The following KCNG1 variants were observed in gnomAD, a reference collection of about 807,000 sequenced individuals.
KCNG1 encodes the protein voltage-gated potassium channel regulatory subunit KCNG1.
A neutral mutation model predicts 32.4 loss-of-function variants in KCNG1; 17 were observed. The ratio of observed to expected loss-of-function variants is 0.52; its 90% CI spans 0.36 to 0.79. The LOEUF is 0.79. KCNG1 is among the 30% of genes least tolerant of loss of function. The probability of loss-of-function intolerance (pLI) is 0.00; values close to 1 mark genes in which losing one functional copy is unlikely to be tolerated. For missense variants in KCNG1, 441 were observed against 735.2 expected (o/e 0.60, Z 4.63); for synonymous variants, 358 against 339.9 (o/e 1.05, Z -0.59).
Position 51,010,251 on chromosome 20 carries a change from G to T in KCNG1, c.88C>A (p.Pro30Thr), listed in dbSNP as rs1304598504. ...GCGCCCTTGATGGCCTGGCGCTGCG[G>T]GAGGAAGGCCGGGTGGAAGGAGGCG... ...SDASFHPAFL[P>T]QRQAIKGAFY... is the part of the protein sequence containing the mutation. Residue 30 changes from proline (P) to threonine (T), a missense_variant, in exon 2 of 3, where the codon CCG becomes ACG. Pro to Thr is a conservative substitution (Grantham distance 38). Around this residue, in one of 6 missense-constraint regions of KCNG1, gnomAD observed 85 missense variants for 98.2 expected, o/e 0.87. Coordinates refer to ENST00000371571, the MANE Select transcript of KCNG1 (RefSeq NM_002237.4). 1.3e-6 allele frequency: 2 copies of T among 1,537,504 alleles called. No homozygotes were observed. The highest frequency in any genetic ancestry group is 4.5e-5 in the East Asian group (2 of 44,384).
At chr20:51,016,328 T>C (rs889291877) in intron 1 of KCNG1, among the ~76,000 whole-genome samples, 7 of 151,966 alleles carry the variant, frequency 4.6e-5, no homozygotes, top group Non-Finnish European at 5.9e-5. Flanking sequence ...TCCCAGCTAC[T>C]GGGAAGATTG....
Position 51,009,944 on chromosome 20 carries a change from C to A in KCNG1, c.395G>T (p.Arg132Leu), listed in dbSNP as rs1161962587. The change falls in exon 2 of 3, where the codon CGC becomes CTC. Residue 132 changes from arginine to leucine, a missense_variant. Transcript: ENST00000371571. ...GAFGTILTFL[R>L]AGKLRLLREM... ...GCGCAGCAGCCGCAGCTTGCCCGCG[C>A]GCAGGAAGGTCAGGATAGTGCCGAA... 2 of 1,613,854 alleles carry A rather than the reference C, an allele frequency of 1.2e-6. No individual in the cohort carries two copies. The highest frequency in any genetic ancestry group is 2.2e-5 in the South Asian group (2 of 91,088).
chr20:51,022,392 G>T (rs1162120204), intron 1 of KCNG1, among the ~76,000 whole-genome samples: 1 of 152,126 alleles, frequency 6.6e-6, no homozygotes, highest in Non-Finnish European at 1.5e-5. Context: ...CTCAATAAAC[G>T]CTTGCTGTGT....
intron 1 of KCNG1, among the ~76,000 whole-genome samples, chr20:51,021,262 G>T (rs578200300): frequency 2.1e-4 from 32 of 152,326 alleles, no homozygotes; most frequent in African/African-American, 5.5e-4. Flanking sequence ...ATCCCCAGGG[G>T]CCAGCGCTTG....
At chr20:51,021,378 G>T (rs1988475983) in intron 1 of KCNG1, among the ~76,000 whole-genome samples, 1 of 152,178 alleles carries the variant, frequency 6.6e-6, no homozygotes, top group Admixed American at 6.5e-5. Flanking sequence ...GGCAGAGCCT[G>T]AAAAATCCCC....
At chr20:51,007,758 C>G (rs1477579428) in intron 2 of KCNG1, among the ~76,000 whole-genome samples, 1 of 152,034 alleles carries the variant, frequency 6.6e-6, no homozygotes, top group Non-Finnish European at 1.5e-5. Flanking sequence ...ACAGTGTAAT[C>G]TTAGCACTTT....
At chr20:51,008,790 T>TA (rs1276554559) in intron 2 of KCNG1, among the ~76,000 whole-genome samples, 2 of 152,192 alleles carry the variant, frequency 1.3e-5, no homozygotes, top group Non-Finnish European at 2.9e-5. Context: ...AGCTGCCACG[T>TA]GGACACCATA....
At chr20:51,014,116 A>T (rs929690132) in intron 1 of KCNG1, 5 of 152,194 alleles carry the variant, frequency 3.3e-5, no homozygotes, top group South Asian at 2.1e-4. Flanking sequence ...CAGGGTGAGT[A>T]TGGAGAGGCT....
At chr20:51,021,327 G>C (rs1988473591) in intron 1 of KCNG1, among the ~76,000 whole-genome samples, 2 of 152,170 alleles carry the variant, frequency 1.3e-5, no homozygotes, top group African/African-American at 4.8e-5. Context: ...GACTCTGCAG[G>C]GCTCCAAAAG....
intron 1 of KCNG1, among the ~76,000 whole-genome samples, chr20:51,020,266 T>C (rs149319634): frequency 0.023 from 3,501 of 152,222 alleles, 61 homozygotes; most frequent in South Asian, 0.031. Context: ...TCTCTTTGCC[T>C]CCTTGTAGCT....
chr20:51,013,249 C>G (rs1988159073), intron 1 of KCNG1, among the ~76,000 whole-genome samples: 1 of 152,094 alleles, frequency 6.6e-6, no homozygotes, highest in Non-Finnish European at 1.5e-5. Flanking sequence ...TTGCAGTGAG[C>G]TGAGATGGTG....
At chr20:51,008,058 T>C (rs1285294395) in intron 2 of KCNG1, 1 of 152,204 alleles carries the variant, frequency 6.6e-6, no homozygotes, top group Non-Finnish European at 1.5e-5. Flanking sequence ...GCTGGCATGA[T>C]ATTTACGTTC....
At position 51,004,699 on chromosome 20, in the gene KCNG1, G is replaced by A. The variant is rs141429244; in HGVS notation, c.882C>T (p.Phe294=). Residue 294 remains phenylalanine, a synonymous_variant, in exon 3 of 3, where the codon TTC becomes TTT. Transcript: ENST00000371571. This position sits in a 1 kb window ranked among gnomAD's most constrained non-coding sequence, Gnocchi z 4.3. The stretch of plus-strand genomic sequence containing the variant: ...GCGTCAGCGGGCTCCGCAGGAAGGC[G>A]AACTTGCTGGGCGCCTGAATGAGCC... ...LLRLIQAPSK[F]AFLRSPLTLI... The A allele has an allele frequency of 4.4e-5, 70 of 1,598,020 alleles. No homozygotes were observed. The African/African-American group carries it at 5.8e-4, about 13-fold the overall frequency.
chr20:51,023,049 G>A lies in KCNG1; in HGVS notation c.-206C>T, dbSNP rs1422284673. 6.6e-6 allele frequency: 1 copy of A among 152,112 alleles called. No homozygotes were observed. The highest frequency in any genetic ancestry group is 2.4e-5 in the African/African-American group (1 of 41,444). The allele number at this position is 152,112 out of a possible 1,614,324, so 9.4% of individuals were successfully genotyped here. A position where few individuals can be genotyped will look rare whatever the true frequency, so the allele number is the denominator to read the frequency against. The stretch of plus-strand genomic sequence containing the variant: ...GGTCCCGGGGCCCGGCTCAGCTCCC[G>A]CCCTCGGAGCCACGGCCGCCCCGTC... On this transcript the variant is annotated 5_prime_UTR_variant, in exon 1 of 3. Coordinates refer to ENST00000371571, the MANE Select transcript of KCNG1 (RefSeq NM_002237.4).
intron 1 of KCNG1, among the ~76,000 whole-genome samples, chr20:51,019,089 C>A (rs1022250998): frequency 1.3e-5 from 2 of 152,108 alleles, no homozygotes; most frequent in Admixed American, 6.6e-5. Context: ...CTCAGGGTTG[C>A]CATTTTGGCC....
intron 1 of KCNG1, among the ~76,000 whole-genome samples, chr20:51,017,114 C>T (rs1044146526): frequency 6.6e-6 from 1 of 152,170 alleles, no homozygotes; most frequent in African/African-American, 2.4e-5. Flanking sequence ...AAACAAGGTA[C>T]AAAAATGTGT....
rs937673028 is a variant in KCNG1, at chr20:51,005,492, T to A, written c.775-686A>T. The A allele has an allele frequency of 2.6e-5, 4 of 152,306 alleles. No individual in the cohort carries two copies. The highest frequency in any genetic ancestry group is 9.6e-5 in the African/African-American group (4 of 41,456). 9.4% of individuals were successfully genotyped at this position (152,306 alleles called of 1,614,324 possible). ...ATCACTGCCCCGGGCAAATTTAGGCTGAGGCTGCCTCACCGAAGCTTTCAA... is the reference window on the plus strand; with the variant it reads ...ATCACTGCCCCGGGCAAATTTAGGCAGAGGCTGCCTCACCGAAGCTTTCAA... On this transcript the variant is annotated intron_variant, in intron 2 of 2. Coordinates refer to ENST00000371571, the MANE Select transcript of KCNG1 (RefSeq NM_002237.4). The surrounding 1 kb of genome is among the most constrained non-coding windows in gnomAD (Gnocchi z 4.0).
At chr20:51,019,142 G>A (rs1988380269) in intron 1 of KCNG1, among the ~76,000 whole-genome samples, 1 of 152,160 alleles carries the variant, frequency 6.6e-6, no homozygotes, top group South Asian at 2.1e-4. Flanking sequence ...GGGTGGAGTC[G>A]TCTCCAGAAG....
chr20:51,004,498 C>T lies in KCNG1; in HGVS notation c.1083G>A (p.Leu361=), dbSNP rs752371200. The change falls in exon 3 of 3, where the codon CTG becomes CTA. Residue 361 remains leucine (L), a synonymous_variant. Transcript: ENST00000371571. This position sits in a 1 kb window ranked among gnomAD's most constrained non-coding sequence, Gnocchi z 4.3. ...LYVMRLARHS[L]GLQTLGLTAR... The stretch of plus-strand genomic sequence containing the variant: ...CCGTGAGCCCCAGCGTCTGCAGCCC[C>T]AGGGAGTGGCGCGCCAGGCGCATCA... The T allele has an allele frequency of 8.2e-6, 13 of 1,594,014 alleles. No individual in the cohort carries two copies. The highest frequency in any genetic ancestry group is 2.2e-5 in the South Asian group (2 of 89,734).
Sources: allele counts gnomAD v4.1 joint callset (sites outside exome capture counted in the v4.1 genomes callset), GRCh38; gene constraint gnomAD v4.1.1; regional missense constraint gnomAD v4.1.1; non-coding constraint Gnocchi (gnomAD v3.1); transcripts MANE v1.5; gene names NCBI Gene and HGNC (gene_info 2026-07-23, HGNC 2026-07-21).